ASIC2: variants seen among roughly 807,000 people sequenced by gnomAD.
ASIC2 encodes acid-sensing ion channel 2.
Under a neutral mutation model 57.3 loss-of-function variants are expected in ASIC2, and 25 were observed. The observed-to-expected ratio is 0.44, with a 90% CI of 0.32 to 0.61. The LOEUF (loss-of-function observed/expected upper bound fraction) is 0.61, where lower values mean the gene tolerates loss of function less well. Ranked by LOEUF, ASIC2 falls within the 20% of genes least tolerant of loss-of-function variation. The pLI is 0.06. For synonymous variants in ASIC2, 319 were observed against 307.5 expected (o/e 1.04, Z -0.39); for missense variants, 641 against 738.1 (o/e 0.87, Z 1.52).
In ASIC2 at chr17:33,014,086, G is replaced by A. The variant is rs1388483143; in HGVS notation, c.1591-20C>T. 2 of 1,559,482 alleles carry A rather than the reference G, an allele frequency of 1.3e-6. No homozygotes were observed. Among genetic ancestry groups the A allele is most frequent in the Non-Finnish European group, 1.7e-6 (2 of 1,145,170 alleles). ...AGTACTCTGGAAGGGAAGGGTTGGT[G>A]GGAGTTTATTATTCGCTCAGCAAAA... On this transcript the variant is annotated intron_variant, in intron 9 of 9. Transcript: ENST00000225823.
rs150323098 is a variant in ASIC2, at chr17:33,237,700, G to A, written c.708+53708C>T. Among the ~76,000 whole-genome samples the A allele has an allele frequency of 2.0e-5, 3 of 152,322 alleles. No individual in the cohort carries two copies. In the East Asian group the frequency reaches 5.8e-4, roughly 29 times the overall value. The stretch of plus-strand genomic sequence containing the variant: ...CAGTTTTCATATCTCTACAATAAAT[G>A]CAATGTATCTATGTGGCAGGGTTGA... On this transcript the variant is annotated intron_variant, in intron 1 of 9. Coordinates refer to ENST00000225823, the MANE Select transcript of ASIC2 (RefSeq NM_183377.2).
At chr17:33,522,045 G>A (rs1914757639) in intron 1 of ASIC2, among the ~76,000 whole-genome samples, 1 of 152,190 alleles carries the variant, frequency 6.6e-6, no homozygotes, top group African/African-American at 2.4e-5. Flanking sequence ...CTGGCTGGGT[G>A]GGTTCCGGGG....
chr17:33,992,558 C>A (rs1376586849), intron 1 of ASIC2, among the ~76,000 whole-genome samples: 1 of 152,212 alleles, frequency 6.6e-6, no homozygotes, highest in African/African-American at 2.4e-5. Context: ...GGTGAATTCA[C>A]TCTATCCACA....
chr17:33,744,614 A>G (rs1910207273), intron 1 of ASIC2, among the ~76,000 whole-genome samples: 1 of 152,230 alleles, frequency 6.6e-6, no homozygotes, highest in Non-Finnish European at 1.5e-5. Context: ...GCTATAATGT[A>G]TTACCTAAAG....
intron 1 of ASIC2, chr17:34,080,894 T>C (rs1221447215): frequency 1.3e-5 from 2 of 152,226 alleles, no homozygotes; most frequent in Admixed American, 6.5e-5. Flanking sequence ...ACAGCTTTTG[T>C]AGATCTTTAT....
At chr17:33,505,197 G>A (rs1237175176) in intron 1 of ASIC2, among the ~76,000 whole-genome samples, 3 of 152,014 alleles carry the variant, frequency 2.0e-5, no homozygotes, top group African/African-American at 7.3e-5. Flanking sequence ...ACACCAGAGG[G>A]GCACAGCACT....
intron 1 of ASIC2, among the ~76,000 whole-genome samples, chr17:33,772,859 T>G (rs1911156363): frequency 6.6e-6 from 1 of 152,184 alleles, no homozygotes; most frequent in Non-Finnish European, 1.5e-5. Context: ...TGAAATTATA[T>G]AACATGTTCT....
At chr17:33,143,241 G>A (rs1006035968) in intron 1 of ASIC2, among the ~76,000 whole-genome samples, 1 of 152,200 alleles carries the variant, frequency 6.6e-6, no homozygotes, top group African/African-American at 2.4e-5. Flanking sequence ...GATATCTCAG[G>A]TGGACCACAT....
intron 1 of ASIC2, among the ~76,000 whole-genome samples, chr17:33,902,602 G>A (rs74688991): frequency 0.023 from 3,533 of 152,258 alleles, 139 homozygotes; most frequent in African/African-American, 0.081. Context: ...CATGCCGGCC[G>A]GGCTGGGGCA....
chr17:33,479,594 G>A (rs1025084346), intron 1 of ASIC2, among the ~76,000 whole-genome samples: 1 of 152,208 alleles, frequency 6.6e-6, no homozygotes, highest in Non-Finnish European at 1.5e-5. Context: ...TTCTTCACCA[G>A]TGGGCCTTCT....
At chr17:33,672,164 C>T (rs1907657984) in intron 1 of ASIC2, among the ~76,000 whole-genome samples, 1 of 152,200 alleles carries the variant, frequency 6.6e-6, no homozygotes, top group Non-Finnish European at 1.5e-5. Flanking sequence ...GCCAGTTTCA[C>T]ACACTCCATT....
intron 1 of ASIC2, among the ~76,000 whole-genome samples, chr17:34,015,822 A>C (rs2142024901): frequency 6.6e-6 from 1 of 152,366 alleles, no homozygotes; most frequent in South Asian, 2.1e-4. Flanking sequence ...CAAACAAAAC[A>C]TTTTACTAGT....
intron 1 of ASIC2, among the ~76,000 whole-genome samples, chr17:33,893,306 T>C (rs964884746): frequency 1.3e-5 from 2 of 152,188 alleles, no homozygotes; most frequent in African/African-American, 4.8e-5. Flanking sequence ...ACTTCCTTTA[T>C]GAGGAGCTGT....
rs529615113 is a variant in ASIC2, at chr17:33,826,334, C to T, written c.555+329644G>A. Among the ~76,000 whole-genome samples, 6 of 152,256 alleles carry T rather than the reference C, an allele frequency of 3.9e-5. No homozygotes were observed. In the East Asian group the frequency reaches 7.7e-4, roughly 20 times the overall value. ...CACCTTCATGGCATATGATGGAGGG[C>T]GCAGAGACATCCCTTTTTGGGGGAG... On this transcript the variant is annotated intron_variant, in intron 1 of 9. Transcript: ENST00000359872.
intron 1 of ASIC2, among the ~76,000 whole-genome samples, chr17:33,904,747 A>G (rs924367865): frequency 9.2e-5 from 14 of 152,196 alleles, no homozygotes; most frequent in African/African-American, 3.4e-4. Context: ...ATGTTATCAG[A>G]TGCAAAAGCT....
chr17:33,062,412 G>A (rs1048107992), intron 3 of ASIC2, among the ~76,000 whole-genome samples: 9 of 152,186 alleles, frequency 5.9e-5, no homozygotes, highest in East Asian at 1.9e-4. Flanking sequence ...CCTTCATTTC[G>A]TTATGTACAC....
intron 1 of ASIC2, among the ~76,000 whole-genome samples, chr17:34,009,559 C>T (rs1186837916): frequency 6.6e-6 from 1 of 152,170 alleles, no homozygotes; most frequent in Non-Finnish European, 1.5e-5. Flanking sequence ...CCACCCCTTG[C>T]TTTTAACTTT....
At chr17:33,737,624 T>A (rs1046946992) in intron 1 of ASIC2, among the ~76,000 whole-genome samples, 6 of 152,254 alleles carry the variant, frequency 3.9e-5, no homozygotes, top group Non-Finnish European at 7.3e-5. Flanking sequence ...CTTATTGGGT[T>A]GTGAGGATTA....
intron 1 of ASIC2, among the ~76,000 whole-genome samples, chr17:34,063,349 A>G (rs972416866): frequency 3.9e-5 from 6 of 152,262 alleles, no homozygotes; most frequent in African/African-American, 1.4e-4. Flanking sequence ...CAGCAAAATC[A>G]GCATACAAGG....
Sources: gnomAD v4.1 joint callset for allele counts (sites outside exome capture counted in the v4.1 genomes callset) on GRCh38, gnomAD v4.1.1 for gene constraint, MANE v1.5 for transcripts, NCBI Gene and HGNC (gene_info 2026-07-23, HGNC 2026-07-21) for gene names.